ZNF33B: variants seen among roughly 807,000 people sequenced by gnomAD.
ZNF33B encodes the protein zinc finger protein 11b (KOX 2).
Under a neutral mutation model 45.8 loss-of-function variants are expected in ZNF33B, and 29 were observed. The ratio of observed to expected loss-of-function variants is 0.63; its 90% CI spans 0.47 to 0.86. The LOEUF is 0.86. Among genes scored for constraint, ZNF33B ranks in the 40% least tolerant of loss-of-function variants. The pLI is 0.00. For synonymous variants in ZNF33B, 305 were observed against 307.8 expected, an observed-to-expected ratio of 0.99 and a Z score of 0.10; for missense variants, 831 against 909.9, an observed-to-expected ratio of 0.91 and a Z score of 1.12.
rs1315379366 is a variant in ZNF33B at position 42,593,387 on chromosome 10, C to T, written c.1563G>A (p.Gly521=). The T allele has an allele frequency of 2.5e-6, 4 of 1,613,706 alleles. No individual in the cohort carries two copies. In the African/African-American group the frequency reaches 4.0e-5, roughly 16 times the overall value. The change falls in exon 5 of 5, where the codon GGG becomes GGA. Residue 521 remains glycine (G), a synonymous_variant. Transcript: ENST00000359467. ...VLTRHQIIHT[G]LKPYECYECG... is the part of the protein sequence containing the mutation. Reference sequence around the variant, plus strand: ...ATTCATAACATTCATAAGGTTTCAACCCTGTATGAATTATCTGATGCCTGG... The same window carrying T: ...ATTCATAACATTCATAAGGTTTCAATCCTGTATGAATTATCTGATGCCTGG...
intron 1 of ZNF33B, among the ~76,000 whole-genome samples, chr10:42,576,777 A>G (rs1183504976): frequency 1.3e-5 from 2 of 152,202 alleles, no homozygotes; most frequent in Non-Finnish European, 2.9e-5. Flanking sequence ...GAAAGCTATG[A>G]GCAGACAGAA....
At chr10:42,599,172 C>T (rs1837520048) in intron 4 of ZNF33B, among the ~76,000 whole-genome samples, 1 of 152,086 alleles carries the variant, frequency 6.6e-6, no homozygotes, top group Non-Finnish European at 1.5e-5. Flanking sequence ...TTCAGTGATA[C>T]ATCATTCTTA....
intron 2 of ZNF33B, among the ~76,000 whole-genome samples, chr10:42,634,960 T>C (rs1839220868): frequency 6.6e-6 from 1 of 152,154 alleles, no homozygotes; most frequent in African/African-American, 2.4e-5. Context: ...AGACATTAAA[T>C]ATTTAGCCAG....
chr10:42,612,037 C>T (rs559934219), intron 4 of ZNF33B, among the ~76,000 whole-genome samples: 1 of 151,986 alleles, frequency 6.6e-6, no homozygotes, highest in South Asian at 2.1e-4. Flanking sequence ...AGAAAGTATC[C>T]AGTGTCTCAC....
chr10:42,576,133 C>T (rs188198035), intron 1 of ZNF33B, among the ~76,000 whole-genome samples: 23 of 151,908 alleles, frequency 1.5e-4, no homozygotes, highest in African/African-American at 4.8e-4. Context: ...TCACGTGATC[C>T]GCCCGCCTTG....
chr10:42,593,568 C>G lies in ZNF33B; in HGVS notation c.1382G>C (p.Arg461Thr), dbSNP rs151063401. The G allele has an allele frequency of 4.7e-5, 76 of 1,614,008 alleles. No individual in the cohort carries two copies. In the African/African-American group the frequency reaches 8.8e-4, roughly 19 times the overall value. ...AAAAGGTTTCTCACCTGTGTGAGTT[C>G]TCTGGTGTACTGTAAGGTGTGAATT... Reference protein sequence around the residue: ...CMNSHLTVHQRTHTGEKPFEC... With the variant: ...CMNSHLTVHQTTHTGEKPFEC... The change falls in exon 5 of 5, where the codon AGA becomes ACA. Residue 461 changes from arginine to threonine, a missense_variant. Coordinates refer to ENST00000359467, the MANE Select transcript of ZNF33B (RefSeq NM_006955.3).
intron 4 of ZNF33B, among the ~76,000 whole-genome samples, chr10:42,615,329 T>C (rs1239755376): frequency 6.6e-6 from 1 of 152,184 alleles, no homozygotes; most frequent in Non-Finnish European, 1.5e-5. Context: ...CAAATGTCCA[T>C]CCACTGACAA....
At chr10:42,606,332 G>T (rs943177109) in intron 4 of ZNF33B, among the ~76,000 whole-genome samples, 2 of 151,944 alleles carry the variant, frequency 1.3e-5, no homozygotes. Context: ...GGGTGTGGTG[G>T]CGCATGCCTG....
At chr10:42,624,413 C>T (rs1444203820) in intron 4 of ZNF33B, among the ~76,000 whole-genome samples, 3 of 152,166 alleles carry the variant, frequency 2.0e-5, no homozygotes, top group Non-Finnish European at 4.4e-5. Context: ...ATTATTATAG[C>T]TATTAATATA....
intron 4 of ZNF33B, among the ~76,000 whole-genome samples, chr10:42,602,587 G>A (rs1333654525): frequency 6.6e-6 from 1 of 152,064 alleles, no homozygotes; most frequent in Non-Finnish European, 1.5e-5. Context: ...TTTGTTCTAG[G>A]ATGCACTTAA....
chr10:42,626,067 G>A lies in ZNF33B; in HGVS notation c.250+5862C>T, dbSNP rs187479816. On this transcript the variant is annotated intron_variant, in intron 4 of 4. Coordinates refer to ENST00000359467, the MANE Select transcript of ZNF33B (RefSeq NM_006955.3). ...CTGAGGAAGATCCTCTTAATGTCTT[G>A]TATAGAGATTTTTTATCATGGATGC... 3.1e-3 allele frequency among the ~76,000 whole-genome samples: 478 copies of A among 152,288 alleles called. 5 individuals carry two copies. The highest frequency in any genetic ancestry group is 0.011 in the African/African-American group (457 of 41,570).
chr10:42,579,436 T>C lies in ZNF33B; in HGVS notation c.74-4758A>G, dbSNP rs17157483. On this transcript the variant is annotated intron_variant, in intron 1 of 1. Transcript: ENST00000462075. ...TTCATTCAATGTCCCCTTTTGCAAC[T>C]GGTTTCTGAGTTGTTTGTGTGTAAT... Among the ~76,000 whole-genome samples the C allele has an allele frequency of 5.2e-3, 787 of 152,346 alleles. 24 individuals are homozygous for C. The South Asian group carries it at 0.07, about 13-fold the overall frequency.
chr10:42,621,475 A>T (rs1838586852), intron 4 of ZNF33B, among the ~76,000 whole-genome samples: 3 of 152,240 alleles, frequency 2.0e-5, no homozygotes, highest in African/African-American at 7.2e-5. Context: ...ATACACCATG[A>T]CCAAGTGACC....
downstream of ZNF33B, among the ~76,000 whole-genome samples, chr10:42,586,302 T>C (rs1836934888): frequency 1.3e-5 from 2 of 151,866 alleles, no homozygotes; most frequent in Non-Finnish European, 2.9e-5. Context: ...TACAGGTGCC[T>C]GCCACCACGC....
chr10:42,580,371 G>T (rs755789833), intron 1 of ZNF33B, among the ~76,000 whole-genome samples: 2 of 152,042 alleles, frequency 1.3e-5, no homozygotes, highest in Non-Finnish European at 2.9e-5. Flanking sequence ...CTCCCAAGTA[G>T]CTGGGATTAC....
At chr10:42,628,635 T>C (rs188706069) in intron 4 of ZNF33B, among the ~76,000 whole-genome samples, 1 of 152,338 alleles carries the variant, frequency 6.6e-6, no homozygotes, top group Admixed American at 6.5e-5. Context: ...TATTTTGTTT[T>C]TGATTAATGT....
chr10:42,579,143 G>A (rs1429340049), intron 1 of ZNF33B, among the ~76,000 whole-genome samples: 1 of 152,080 alleles, frequency 6.6e-6, no homozygotes, highest in Non-Finnish European at 1.5e-5. Context: ...CCACATCATG[G>A]TTCATCCTAA....
downstream of ZNF33B, among the ~76,000 whole-genome samples, chr10:42,584,538 T>G (rs1159340889): frequency 3.3e-5 from 5 of 151,768 alleles, no homozygotes; most frequent in East Asian, 9.7e-4. Context: ...TTTTTTTTTT[T>G]GAGACAGAGT....
Position 42,615,006 on chromosome 10 carries a change from A to T in ZNF33B, c.250+16923T>A, listed in dbSNP as rs1201278725. Among the ~76,000 whole-genome samples the T allele has an allele frequency of 1.1e-4, 16 of 152,302 alleles. 1 individual carries two copies. In the East Asian group the frequency reaches 3.1e-3, roughly 29 times the overall value. On this transcript the variant is annotated intron_variant, in intron 4 of 4. Transcript: ENST00000359467. ...TCATTAGCCATTAGGAAATGCAAAA[A>T]ACCACAATGAGATACCTCTTTACAA... is the stretch of plus-strand genomic sequence containing the variant.
Sources: allele counts gnomAD v4.1 joint callset (sites outside exome capture counted in the v4.1 genomes callset), GRCh38; gene constraint gnomAD v4.1.1; transcripts MANE v1.5; gene names NCBI Gene and HGNC (gene_info 2026-07-23, HGNC 2026-07-21).